The following EXOC4 variants were observed in gnomAD, a reference collection of about 807,000 sequenced individuals.
EXOC4 encodes SEC8-like 1.
EXOC4 carries 71 observed loss-of-function variants against 107.2 expected under a neutral mutation model. The ratio of observed to expected loss-of-function variants is 0.66; its 90% confidence interval spans 0.55 to 0.81. EXOC4 has a LOEUF of 0.81. Among genes scored for constraint, EXOC4 ranks in the 30% least tolerant of loss-of-function variants. The probability of loss-of-function intolerance (pLI) is 0.00; values close to 1 mark genes in which losing one functional copy is unlikely to be tolerated. For missense variants in EXOC4, 1,108 were observed against 1,189.6 expected (o/e 0.93, Z 1.01); for synonymous variants, 456 against 441.2 (o/e 1.03, Z -0.42).
rs76700522 is a variant in EXOC4 at position 133,993,700 on chromosome 7, G to T, written c.2207-3792G>T. On this transcript the variant is annotated intron_variant, in intron 14 of 17. Transcript: ENST00000253861. Reference sequence around the variant, plus strand: ...TTGGCCAATGGTCCAACAATACTTAGTCCAGCACCTCTCTGATTCTTGGTC... The same window carrying T: ...TTGGCCAATGGTCCAACAATACTTATTCCAGCACCTCTCTGATTCTTGGTC... Among the ~76,000 whole-genome samples the T allele has an allele frequency of 8.1e-4, 123 of 152,256 alleles. 1 individual carries two copies. The East Asian group carries it at 0.022, about 28-fold the overall frequency.
intron 12 of EXOC4, among the ~76,000 whole-genome samples, chr7:133,916,187 G>A (rs559403006): frequency 7.9e-5 from 12 of 152,320 alleles, no homozygotes; most frequent in East Asian, 7.7e-4. Context: ...TAGATCCCTC[G>A]CATGCGCGGT....
intron 4 of EXOC4, among the ~76,000 whole-genome samples, chr7:133,309,668 G>T (rs1038192858): frequency 2.0e-5 from 3 of 152,306 alleles, no homozygotes; most frequent in Non-Finnish European, 4.4e-5. Context: ...AGCCGGGCGT[G>T]GAGGCTCACG....
intron 9 of EXOC4, among the ~76,000 whole-genome samples, chr7:133,538,488 A>C (rs1800315986): frequency 6.6e-6 from 1 of 152,128 alleles, no homozygotes; most frequent in Admixed American, 6.6e-5. Context: ...AAGGAATTTT[A>C]AATCTCTTCA....
chr7:133,839,574 G>A (rs951935969), intron 11 of EXOC4, among the ~76,000 whole-genome samples: 1 of 152,128 alleles, frequency 6.6e-6, no homozygotes, highest in Non-Finnish European at 1.5e-5. Context: ...CATAGGAGTT[G>A]GTAGTCAATA....
chr7:133,325,035 C>T (rs988257660), intron 5 of EXOC4, among the ~76,000 whole-genome samples: 2 of 152,130 alleles, frequency 1.3e-5, no homozygotes, highest in Non-Finnish European at 2.9e-5. Flanking sequence ...ATTGCAACCC[C>T]TGCCTTTTTT....
chr7:133,578,695 G>A (rs1028133838), intron 9 of EXOC4, among the ~76,000 whole-genome samples: 1 of 152,268 alleles, frequency 6.6e-6, no homozygotes, highest in Non-Finnish European at 1.5e-5. Context: ...TGGCATAGCT[G>A]TCAAAGTTCT....
chr7:133,338,249 A>G (rs1795566281), intron 5 of EXOC4, among the ~76,000 whole-genome samples: 1 of 152,144 alleles, frequency 6.6e-6, no homozygotes, highest in African/African-American at 2.4e-5. Context: ...TGCTTTGAAT[A>G]TACCTCATAT....
rs868628527 is a variant in EXOC4 at position 133,775,458 on chromosome 7, A to G, written c.1515-41867A>G. On this transcript the variant is annotated intron_variant, in intron 10 of 17. Coordinates refer to ENST00000253861, the MANE Select transcript of EXOC4 (RefSeq NM_021807.4). Reference sequence around the variant, plus strand: ...CCTTCTTAATCTGGGTACACAATGTAGCTCTGTTTATATATTCTTGTCTTT... The same window carrying G: ...CCTTCTTAATCTGGGTACACAATGTGGCTCTGTTTATATATTCTTGTCTTT... 3.0e-4 allele frequency among the ~76,000 whole-genome samples: 46 copies of G among 152,312 alleles called. 1 individual carries two copies. Among genetic ancestry groups the G allele is most frequent in the African/African-American group, 9.4e-4 (39 of 41,562 alleles).
At chr7:133,874,121 CTGGAGATATCACCA>C (rs1798801647) in intron 11 of EXOC4, among the ~76,000 whole-genome samples, 1 of 152,120 alleles carries the variant, frequency 6.6e-6, no homozygotes, top group Non-Finnish European at 1.5e-5. Context: ...GGTGGGAAGG[CTGGAGATATCACCA>C]TGGTTCATAA....
At chr7:133,427,449 C>T (rs1268287548) in intron 7 of EXOC4, among the ~76,000 whole-genome samples, 9 of 152,174 alleles carry the variant, frequency 5.9e-5, no homozygotes, top group East Asian at 1.9e-4. Flanking sequence ...ATCTGTTGTT[C>T]ATAAAGCAGT....
intron 9 of EXOC4, among the ~76,000 whole-genome samples, chr7:133,558,629 T>A (rs1027203610): frequency 1.3e-4 from 20 of 152,192 alleles, no homozygotes; most frequent in South Asian, 8.3e-4. Context: ...TTATTTTTTT[T>A]AATTTTAAAC....
At chr7:133,804,669 A>ACTTC (rs1047157763) in intron 10 of EXOC4, among the ~76,000 whole-genome samples, 3 of 152,186 alleles carry the variant, frequency 2.0e-5, no homozygotes, top group Non-Finnish European at 4.4e-5. Context: ...CATATGAAAT[A>ACTTC]CTTCCAGTCT....
At chr7:134,051,680 A>AG (rs982467185) in intron 17 of EXOC4, among the ~76,000 whole-genome samples, 4 of 149,000 alleles carry the variant, frequency 2.7e-5, no homozygotes, top group African/African-American at 5.0e-5. Flanking sequence ...TCAAAAAAAA[A>AG]AAAAAAAAAA....
chr7:133,852,000 AT>A (rs1473125758), intron 11 of EXOC4, among the ~76,000 whole-genome samples: 1 of 152,130 alleles, frequency 6.6e-6, no homozygotes, highest in East Asian at 1.9e-4. Flanking sequence ...AAATACCCAG[AT>A]CTTTTAAAAT....
intron 9 of EXOC4, among the ~76,000 whole-genome samples, chr7:133,582,942 A>G (rs1158069450): frequency 1.3e-5 from 2 of 152,246 alleles, no homozygotes; most frequent in African/African-American, 4.8e-5. Context: ...GTATATGTAG[A>G]AGTTAAGAAA....
At chr7:133,821,918 C>G (rs1308415737) in intron 11 of EXOC4, among the ~76,000 whole-genome samples, 2 of 152,088 alleles carry the variant, frequency 1.3e-5, no homozygotes, top group African/African-American at 4.8e-5. Context: ...TCCTTAGTAC[C>G]AGGACATGGC....
intron 17 of EXOC4, among the ~76,000 whole-genome samples, chr7:134,063,367 T>G (rs910969870): frequency 1.3e-5 from 2 of 152,170 alleles, no homozygotes; most frequent in African/African-American, 4.8e-5. Flanking sequence ...AGGACCTCAC[T>G]TATGGCACAC....
intron 9 of EXOC4, among the ~76,000 whole-genome samples, chr7:133,588,707 A>G (rs1235012718): frequency 6.6e-6 from 1 of 152,130 alleles, no homozygotes; most frequent in Non-Finnish European, 1.5e-5. Context: ...AGCCTGGCCA[A>G]CATGGTAAAA....
At chr7:133,821,468 G>T (rs931803572) in intron 11 of EXOC4, among the ~76,000 whole-genome samples, 1 of 152,200 alleles carries the variant, frequency 6.6e-6, no homozygotes, top group Non-Finnish European at 1.5e-5. Context: ...GAATTTAGGA[G>T]TGAGCATTTA....
Sources: gnomAD v4.1 joint callset for allele counts (sites outside exome capture counted in the v4.1 genomes callset) on GRCh38, gnomAD v4.1.1 for gene constraint, MANE v1.5 for transcripts, NCBI Gene and HGNC (gene_info 2026-07-23, HGNC 2026-07-21) for gene names.